Variants in SPA17 observed in about 807,000 individuals in gnomAD.
SPA17 encodes sperm autoantigenic protein 17.
A neutral mutation model predicts 13.8 loss-of-function variants in SPA17; 7 were observed. The observed-to-expected ratio is 0.51, with a 90% confidence interval of 0.29 to 0.95. The LOEUF (loss-of-function observed/expected upper bound fraction) is 0.95. Ranked by LOEUF, SPA17 falls within the 40% of genes least tolerant of loss-of-function variation. The pLI, the probability that SPA17 is intolerant of heterozygous loss-of-function variation, is 0.08. For missense variants in SPA17, 170 were observed against 179.3 expected (o/e 0.95, Z 0.30); for synonymous variants, 61 against 59.0 (o/e 1.03, Z -0.16).
chr11:124,684,972 A>G (rs1943564465), intron 3 of SPA17, among the ~76,000 whole-genome samples: 1 of 152,254 alleles, frequency 6.6e-6, no homozygotes, highest in Admixed American at 6.5e-5. Context: ...AAAGTTTGGA[A>G]AATTTGCAGC....
intron 2 of SPA17, 81 bp downstream of exon 2, chr11:124,675,499 C>A: frequency 6.7e-7 from 1 of 1,484,456 alleles, no homozygotes. Flanking sequence ...AGACCATCTC[C>A]ATTCTGCAGA....
At chr11:124,686,200 G>GGGGGGGGGGGGGGT (rs1943577157) in intron 3 of SPA17, among the ~76,000 whole-genome samples, 1 of 89,196 alleles carries the variant, frequency 1.1e-5, no homozygotes, top group African/African-American at 4.4e-5. Context: ...TGGGGGGGGG[G>GGGGGGGGGGGGGGT]TGGTTTTATA....
At chr11:124,676,193 C>G (rs950177760) in intron 2 of SPA17, 2 of 152,264 alleles carry the variant, frequency 1.3e-5, no homozygotes, top group Non-Finnish European at 2.9e-5. Context: ...ACCTTTAGTA[C>G]CAGCTACTCA....
At position 124,675,368 on chromosome 11, in the gene SPA17, T is replaced by C. The variant is rs764433968; in HGVS notation, c.104T>C (p.Ile35Thr). The change falls in exon 2 of 5, where the codon ATA (isoleucine) becomes ACA (threonine). Residue 35 changes from isoleucine (I) to threonine (T), a missense_variant. Transcript: ENST00000227135. ...REILREQPDNIPAFAAAYFES... is the reference protein window; with the variant it reads ...REILREQPDNTPAFAAAYFES... ...ATTCTGAGAGAGCAACCGGACAATA[T>C]ACCAGCTTTTGCAGCAGCCTATTTT... is the stretch of plus-strand genomic sequence containing the variant. The C allele has an allele frequency of 4.3e-6, 7 of 1,614,044 alleles. No homozygotes were observed. Among genetic ancestry groups the C allele is most frequent in the Non-Finnish European group, 3.4e-6 (4 of 1,180,038 alleles).
intron 3 of SPA17, among the ~76,000 whole-genome samples, chr11:124,686,471 A>G (rs1276032383): frequency 6.6e-6 from 1 of 152,278 alleles, no homozygotes; most frequent in African/African-American, 2.4e-5. Context: ...CATTCTACCC[A>G]ACAACTGCAG....
intron 4 of SPA17, among the ~76,000 whole-genome samples, chr11:124,692,388 G>A (rs1408162304): frequency 6.6e-6 from 1 of 152,052 alleles, no homozygotes; most frequent in African/African-American, 2.4e-5. Flanking sequence ...AGACCATCCT[G>A]GCTAACACGG....
At chr11:124,683,045 G>A (rs1420155514) in intron 3 of SPA17, among the ~76,000 whole-genome samples, 1 of 152,184 alleles carries the variant, frequency 6.6e-6, no homozygotes, top group African/African-American at 2.4e-5. Context: ...CTTCTCAGCA[G>A]AAACCTGACA....
At chr11:124,693,307 T>A (rs1164764368) in intron 4 of SPA17, among the ~76,000 whole-genome samples, 1 of 151,948 alleles carries the variant, frequency 6.6e-6, no homozygotes, top group Non-Finnish European at 1.5e-5. Context: ...TAATATGAGA[T>A]TGAGTAAATA....
chr11:124,691,621 A>T, intron 3 of SPA17, 75 bp from the exon 4 acceptor site: 1 of 764,490 alleles, frequency 1.3e-6, no homozygotes, highest in Non-Finnish European at 2.0e-6. Context: ...ATGTTTCATT[A>T]CTTCTAAGCA....
At chr11:124,681,319 T>A in intron 2 of SPA17, 70 bp from the exon 3 acceptor site, 1 of 1,257,758 alleles carries the variant, frequency 8.0e-7, no homozygotes, top group Non-Finnish European at 1.1e-6. Flanking sequence ...AACTTACATT[T>A]GTGTCACTAT....
chr11:124,689,627 A>G (rs533881632), intron 3 of SPA17, among the ~76,000 whole-genome samples: 73 of 152,250 alleles, frequency 4.8e-4, no homozygotes, highest in African/African-American at 1.6e-3. Context: ...TCTTCAAAAA[A>G]TTAGCCAGAC....
chr11:124,679,747 G>A (rs1036601310), intron 2 of SPA17, among the ~76,000 whole-genome samples: 6 of 152,156 alleles, frequency 3.9e-5, no homozygotes, highest in South Asian at 2.1e-4. Context: ...TAGGCTGAAC[G>A]TCTTGCCATA....
Position 124,696,655 on chromosome 11 carries a change from A to G in SPA17, c.*2209A>G, listed in dbSNP as rs1438799550. 2.0e-5 allele frequency: 3 copies of G among 152,084 alleles called. No homozygotes were observed. The highest frequency in any genetic ancestry group is 4.4e-5 in the Non-Finnish European group (3 of 68,024). 9.4% of individuals were successfully genotyped at this position (152,084 alleles called of 1,614,324 possible). ...TGGCTGTTCCTTCTCAATTCCCTTC[A>G]CTGGTAACTCTTCAACTCCCCAACC... is the stretch of plus-strand genomic sequence containing the variant. On this transcript the variant is annotated 3_prime_UTR_variant, in exon 5 of 5. Coordinates refer to ENST00000227135, the MANE Select transcript of SPA17 (RefSeq NM_017425.4).
At chr11:124,692,365 G>C (rs973336868) in intron 4 of SPA17, among the ~76,000 whole-genome samples, 1 of 152,112 alleles carries the variant, frequency 6.6e-6, no homozygotes, top group African/African-American at 2.4e-5. Flanking sequence ...CAGATCACGA[G>C]GTCAGGAGAT....
chr11:124,690,708 C>T (rs1432306075), intron 3 of SPA17, among the ~76,000 whole-genome samples: 2 of 152,156 alleles, frequency 1.3e-5, no homozygotes, highest in African/African-American at 2.4e-5. Context: ...CAGAATAATT[C>T]GTAGGTACAT....
rs759026857 is a variant in SPA17 at position 124,681,504 on chromosome 11, G to A, written c.225+45G>A. ...TTGGATTTGGCTATTTCTTCTCTCTGTCTACAGCTAGCAATTATTAGGCTA... is the reference window on the plus strand; with the variant it reads ...TTGGATTTGGCTATTTCTTCTCTCTATCTACAGCTAGCAATTATTAGGCTA... On this transcript the variant is annotated intron_variant, in intron 3 of 4. Transcript: ENST00000227135. The A allele has an allele frequency of 3.7e-5, 53 of 1,428,864 alleles. No individual in the cohort carries two copies. The Admixed American group carries it at 1.1e-3, about 30-fold the overall frequency. The allele number at this position is 1,428,864 out of a possible 1,614,324, so 88.5% of individuals were successfully genotyped here. A position where few individuals can be genotyped will look rare whatever the true frequency, so the allele number is the denominator to read the frequency against.
chr11:124,694,282 CT>C lies in SPA17; in HGVS notation c.313-16del. ...TACGCCATATTTAAAGAGTCTCTTA[CT>C]TTTTCTCCTTTCGATGAAGGACTCT... On this transcript the variant is annotated intron_variant, in intron 4 of 4. Coordinates refer to ENST00000227135, the MANE Select transcript of SPA17 (RefSeq NM_017425.4). The C allele has an allele frequency of 6.2e-7, 1 of 1,602,696 alleles. No homozygotes were observed. The highest frequency in any genetic ancestry group is 8.5e-7 in the Non-Finnish European group (1 of 1,177,456).
chr11:124,687,607 T>C (rs920173883), intron 3 of SPA17, among the ~76,000 whole-genome samples: 1 of 152,104 alleles, frequency 6.6e-6, no homozygotes, highest in African/African-American at 2.4e-5. Flanking sequence ...TAAACCATGA[T>C]AAAATCAGTT....
At chr11:124,686,849 A>C (rs1048920881) in intron 3 of SPA17, among the ~76,000 whole-genome samples, 2 of 152,230 alleles carry the variant, frequency 1.3e-5, no homozygotes, top group African/African-American at 4.8e-5. Context: ...AAAAATGTAG[A>C]AAGATTACAA....
Sources: gnomAD v4.1 joint callset for allele counts (sites outside exome capture counted in the v4.1 genomes callset) on GRCh38, gnomAD v4.1.1 for gene constraint, MANE v1.5 for transcripts, NCBI Gene and HGNC (gene_info 2026-07-23, HGNC 2026-07-21) for gene names.